Variants in CD99L2 observed in about 807,000 individuals in gnomAD.
CD99L2 encodes the protein CD99 molecule like 2.
In CD99L2, 24 loss-of-function variants were observed where a neutral mutation model predicts 27.3. The observed-to-expected ratio is 0.88, with a 90% CI of 0.64 to 1.24. The LOEUF (loss-of-function observed/expected upper bound fraction) is 1.24. Among genes scored for constraint, CD99L2 ranks in the 50% most tolerant of loss-of-function variants. CD99L2 has a pLI of 0.00. For missense variants in CD99L2, 255 were observed against 221.6 expected (o/e 1.15, Z -0.96); for synonymous variants, 97 against 87.9 (o/e 1.10, Z -0.58).
At chrX:150,888,624 C>G (rs1458901316) in intron 1 of CD99L2, among the ~76,000 whole-genome samples, 1 of 112,145 alleles carries the variant, frequency 8.9e-6, no homozygotes, top group Non-Finnish European at 1.9e-5. Flanking sequence ...TATTTTACCA[C>G]AATTTTTAAA....
chrX:150,789,465 A>G (rs1484105064), intron 7 of CD99L2, among the ~76,000 whole-genome samples: 7 of 112,191 alleles, frequency 6.2e-5, no homozygotes, highest in African/African-American at 2.3e-4. Flanking sequence ...TTTATCAGGT[A>G]TATGATTTTG....
At chrX:150,796,085 A>G (rs2045791949) in intron 4 of CD99L2, among the ~76,000 whole-genome samples, 1 of 112,551 alleles carries the variant, frequency 8.9e-6, no homozygotes, top group Non-Finnish European at 1.9e-5. Context: ...TCTTCTCTTG[A>G]ACTTCAGAAG....
In CD99L2 at chrX:150,768,144, C is replaced by T. The variant is rs1222069086; in HGVS notation, c.*890G>A. 8.9e-6 allele frequency: 1 copy of T among 111,831 alleles called. No individual in the cohort carries two copies. Among genetic ancestry groups the T allele is most frequent in the Non-Finnish European group, 1.9e-5 (1 of 53,158 alleles). The allele number at this position is 111,831 out of a possible 1,213,427, so 9.2% of individuals were successfully genotyped here. A position where few individuals can be genotyped will look rare whatever the true frequency, so the allele number is the denominator to read the frequency against. ...CAAGCAGGATTCTGGCTTTGATGCT[C>T]GTTCTTGACATCGGTCACTCTTGCT... On this transcript the variant is annotated 3_prime_UTR_variant, in exon 11 of 11. Coordinates refer to ENST00000370377, the MANE Select transcript of CD99L2 (RefSeq NM_031462.4).
intron 10 of CD99L2, among the ~76,000 whole-genome samples, chrX:150,770,034 T>C (rs2043412519): frequency 8.9e-6 from 1 of 112,937 alleles, no homozygotes; most frequent in Non-Finnish European, 1.9e-5. Context: ...TGCCTGGGGC[T>C]CTGGCTCGGA....
chrX:150,876,809 C>T lies in CD99L2; in HGVS notation c.67+21713G>A, dbSNP rs147364530. 5.1e-3 allele frequency among the ~76,000 whole-genome samples: 574 copies of T among 112,050 alleles called. 7 individuals are homozygous for T. The highest frequency in any genetic ancestry group is 0.014 in the Middle Eastern group (3 of 216). ...TGAATTACCTCTTTAAAAGAATCAA[C>T]CTAGGCTCAGTCCACAAAAGAATTA... On this transcript the variant is annotated intron_variant, in intron 1 of 10. Transcript: ENST00000370377.
chrX:150,813,194 C>A (rs1214494915), intron 4 of CD99L2, among the ~76,000 whole-genome samples: 1 of 110,976 alleles, frequency 9.0e-6, no homozygotes, highest in Non-Finnish European at 1.9e-5. Flanking sequence ...AACCTACACA[C>A]GTGATAAAAT....
At chrX:150,796,480 A>G (rs1222363170) in intron 4 of CD99L2, among the ~76,000 whole-genome samples, 5 of 112,711 alleles carry the variant, frequency 4.4e-5, no homozygotes, top group East Asian at 2.8e-4. Context: ...GCACCTAACA[A>G]TAGAGTGTCT....
chrX:150,877,959 TACACACACACACAC>T (rs72172934), intron 1 of CD99L2, among the ~76,000 whole-genome samples: 460 of 83,064 alleles, frequency 5.5e-3, no homozygotes, highest in Non-Finnish European at 8.9e-3. Flanking sequence ...CTCAAACACA[TACACACACACACAC>T]ACACACACAC....
chrX:150,791,972 C>A (rs2045696613), intron 7 of CD99L2, among the ~76,000 whole-genome samples: 1 of 111,968 alleles, frequency 8.9e-6, no homozygotes, highest in Non-Finnish European at 1.9e-5. Flanking sequence ...AATTAGGATT[C>A]TTTTCATGCT....
intron 2 of CD99L2, among the ~76,000 whole-genome samples, chrX:150,823,766 C>A (rs1449331165): frequency 9.1e-6 from 1 of 110,392 alleles, no homozygotes; most frequent in Non-Finnish European, 1.9e-5. Flanking sequence ...TAGCTCAGGT[C>A]TCTCTTTCCC....
chrX:150,769,082 G>A lies in CD99L2; in HGVS notation c.741C>T (p.His247=). Residue 247 remains histidine (H), a synonymous_variant, in exon 11 of 11, where the codon CAC becomes CAT. Coordinates refer to ENST00000370377, the MANE Select transcript of CD99L2 (RefSeq NM_031462.4). Reference sequence around the variant, plus strand: ...GCGGCGGCGGCTCTGCAGACTGCGTGTGCAACGTGGAGTATTTCACTAGGG... The same window carrying A: ...GCGGCGGCGGCTCTGCAGACTGCGTATGCAACGTGGAGTATTTCACTAGGG... ...EEPQVKYSTL[H]TQSAEPPPPP... is the part of the protein sequence containing the mutation. The A allele has an allele frequency of 1.7e-6, 2 of 1,163,803 alleles. No homozygotes were observed. Among genetic ancestry groups the A allele is most frequent in the Non-Finnish European group, 2.3e-6 (2 of 877,952 alleles).
intron 7 of CD99L2, among the ~76,000 whole-genome samples, chrX:150,784,066 A>G (rs2045557416): frequency 9.0e-6 from 1 of 111,373 alleles, no homozygotes; most frequent in Admixed American, 9.5e-5. Flanking sequence ...CGGAGTAGAC[A>G]CTGCTTAGGG....
At chrX:150,835,387 C>T (rs73609587) in intron 1 of CD99L2, among the ~76,000 whole-genome samples, 5,880 of 110,880 alleles carry the variant, frequency 0.053, 172 homozygotes, top group African/African-American at 0.1. Context: ...TTTATTAGCC[C>T]GGCATGGTGG....
chrX:150,895,707 G>A (rs782380952), intron 1 of CD99L2, among the ~76,000 whole-genome samples: 193 of 111,648 alleles, frequency 1.7e-3, no homozygotes, highest in African/African-American at 5.1e-3. Context: ...TGCAAAAATC[G>A]TATTATCTTA....
intron 7 of CD99L2, among the ~76,000 whole-genome samples, chrX:150,788,429 A>C (rs1490132958): frequency 9.0e-6 from 1 of 111,583 alleles, no homozygotes; most frequent in African/African-American, 3.3e-5. Flanking sequence ...AAGCTGGAGC[A>C]AAGATACCAG....
chrX:150,782,222 G>A (rs2124062205), intron 7 of CD99L2, among the ~76,000 whole-genome samples: 1 of 112,378 alleles, frequency 8.9e-6, no homozygotes, highest in South Asian at 3.7e-4. Context: ...TGGCCAAAGT[G>A]CAAAATAAAA....
In CD99L2 at chrX:150,768,885, A is replaced by T. The variant is rs2043356870; in HGVS notation, c.*149T>A. ...GGCAGGGCAGAGAAACCAAACTCAC[A>T]AACACCCAGAGCTCATCCGGGAAAC... On this transcript the variant is annotated 3_prime_UTR_variant, in exon 11 of 11. Transcript: ENST00000370377. 2.9e-6 allele frequency: 3 copies of T among 1,039,599 alleles called. No homozygotes were observed. The highest frequency in any genetic ancestry group is 4.2e-5 in the Admixed American group (1 of 23,628). 85.7% of individuals were successfully genotyped at this position (1,039,599 alleles called of 1,213,427 possible).
At chrX:150,795,679 C>T (rs2045785652) in intron 4 of CD99L2, among the ~76,000 whole-genome samples, 193 bp from the exon 5 acceptor site, 1 of 111,759 alleles carries the variant, frequency 8.9e-6, no homozygotes, top group South Asian at 3.8e-4. Context: ...GTTCTGTTCA[C>T]TTTTCTTCAG....
At chrX:150,823,551 G>A (rs1328586771) in intron 2 of CD99L2, among the ~76,000 whole-genome samples, 2 of 111,748 alleles carry the variant, frequency 1.8e-5, no homozygotes, top group Non-Finnish European at 3.8e-5. Flanking sequence ...CTCCCCAAGT[G>A]CTGGAATTAC....
Sources: allele counts gnomAD v4.1 joint callset (sites outside exome capture counted in the v4.1 genomes callset), GRCh38; gene constraint gnomAD v4.1.1; transcripts MANE v1.5; gene names NCBI Gene and HGNC (gene_info 2026-07-23, HGNC 2026-07-21).